Variants in COMMD1 observed in about 807,000 individuals in gnomAD.
COMMD1 encodes copper metabolism domain containing 1, also known as COMM domain-containing protein 1.
A neutral mutation model predicts 17.2 loss-of-function variants in COMMD1; 10 were observed. The observed-to-expected ratio is 0.58, with a 90% confidence interval of 0.36 to 0.99. The LOEUF (loss-of-function observed/expected upper bound fraction) is 0.99. Among genes scored for constraint, COMMD1 ranks in the 50% least tolerant of loss-of-function variants. The probability of loss-of-function intolerance (pLI) is 0.01; values close to 1 mark genes in which losing one functional copy is unlikely to be tolerated. For missense variants in COMMD1, 270 were observed against 231.8 expected (o/e 1.17, Z -1.07); for synonymous variants, 97 against 91.6 (o/e 1.06, Z -0.34).
At chr2:61,976,417 T>G (rs915750175) in intron 1 of COMMD1, among the ~76,000 whole-genome samples, 1 of 152,088 alleles carries the variant, frequency 6.6e-6, no homozygotes, top group Non-Finnish European at 1.5e-5. Flanking sequence ...TTATTAGGGA[T>G]CAAAGAAGAG....
chr2:62,130,712 TAA>T (rs994355765), intron 2 of COMMD1, among the ~76,000 whole-genome samples: 6 of 152,220 alleles, frequency 3.9e-5, no homozygotes, highest in African/African-American at 1.4e-4. Flanking sequence ...TAATATGTGA[TAA>T]GTCTTTTATT....
intron 1 of COMMD1, among the ~76,000 whole-genome samples, chr2:61,893,113 C>T (rs1474597211): frequency 1.3e-5 from 2 of 151,978 alleles, no homozygotes; most frequent in Non-Finnish European, 2.9e-5. Context: ...GTGATCTGCC[C>T]ACCTTGGCCT....
At chr2:61,984,246 G>A (rs753792418) in intron 1 of COMMD1, among the ~76,000 whole-genome samples, 6 of 152,150 alleles carry the variant, frequency 3.9e-5, no homozygotes, top group South Asian at 2.1e-4. Flanking sequence ...GGTTGGTCTC[G>A]AACTCCTGAC....
In COMMD1 at chr2:62,066,615, A is replaced by G. The variant is rs556064661; in HGVS notation, c.462+65633A>G. ...ACAGGGTTTCACCATGTTAGCCAGG[A>G]TGGTCTCCATCTCCTGACCTCGTGA... is the stretch of plus-strand genomic sequence containing the variant. On this transcript the variant is annotated intron_variant, in intron 2 of 2. Coordinates refer to ENST00000311832, the MANE Select transcript of COMMD1 (RefSeq NM_152516.4). Among the ~76,000 whole-genome samples, 11 of 150,202 alleles carry G rather than the reference A, an allele frequency of 7.3e-5. No individual in the cohort carries two copies. The South Asian group carries it at 2.1e-3, about 29-fold the overall frequency.
chr2:62,008,635 C>A (rs114819210), intron 2 of COMMD1, among the ~76,000 whole-genome samples: 432 of 152,206 alleles, frequency 2.8e-3, no homozygotes, highest in African/African-American at 9.6e-3. Flanking sequence ...TTTTTACTTT[C>A]AATAATCTAC....
At chr2:61,906,951 G>A (rs539471964) in intron 1 of COMMD1, among the ~76,000 whole-genome samples, 4 of 152,068 alleles carry the variant, frequency 2.6e-5, no homozygotes, top group Non-Finnish European at 4.4e-5. Flanking sequence ...TACAGGATTT[G>A]AATCCAGAAA....
At chr2:61,992,681 G>A (rs1672281534) in intron 1 of COMMD1, among the ~76,000 whole-genome samples, 1 of 152,114 alleles carries the variant, frequency 6.6e-6, no homozygotes, top group Non-Finnish European at 1.5e-5. Context: ...CACTTAATGC[G>A]AACAGCACTC....
chr2:62,057,876 A>G (rs1350832510), intron 2 of COMMD1, among the ~76,000 whole-genome samples: 2 of 151,900 alleles, frequency 1.3e-5, no homozygotes, highest in Admixed American at 6.6e-5. Flanking sequence ...TCAGTCCAAA[A>G]TATTTTCTAA....
chr2:61,965,441 C>T (rs1671480987), intron 1 of COMMD1, among the ~76,000 whole-genome samples: 1 of 152,206 alleles, frequency 6.6e-6, no homozygotes, highest in African/African-American at 2.4e-5. Flanking sequence ...AGAGCTAAAA[C>T]TACTTCAAAA....
intron 2 of COMMD1, among the ~76,000 whole-genome samples, chr2:62,072,470 G>A (rs1191814579): frequency 1.3e-5 from 2 of 152,166 alleles, no homozygotes; most frequent in Non-Finnish European, 2.9e-5. Flanking sequence ...GCTGAGAGCT[G>A]TTCTGTCACT....
At chr2:62,077,581 TTCTC>T (rs1410116010) in intron 2 of COMMD1, among the ~76,000 whole-genome samples, 1 of 152,168 alleles carries the variant, frequency 6.6e-6, no homozygotes, top group Non-Finnish European at 1.5e-5. Context: ...CTATTTATAT[TTCTC>T]TCTCTTCTAT....
chr2:62,084,386 A>C (rs1207722553), intron 2 of COMMD1, among the ~76,000 whole-genome samples: 2 of 152,198 alleles, frequency 1.3e-5, no homozygotes, highest in Admixed American at 1.3e-4. Flanking sequence ...GAGTTAAAGA[A>C]AATGTTATTA....
At chr2:62,003,703 A>T (rs781061058) in intron 2 of COMMD1, among the ~76,000 whole-genome samples, 1 of 152,094 alleles carries the variant, frequency 6.6e-6, no homozygotes, top group African/African-American at 2.4e-5. Flanking sequence ...AGCTATTTAT[A>T]TCGGCTATTT....
chr2:61,936,083 G>A (rs1670599798), intron 1 of COMMD1, among the ~76,000 whole-genome samples: 1 of 152,128 alleles, frequency 6.6e-6, no homozygotes, highest in South Asian at 2.1e-4. Context: ...CTCCCAAAGT[G>A]CTGAGACACC....
At chr2:61,974,818 T>A (rs914697306) in intron 1 of COMMD1, among the ~76,000 whole-genome samples, 2 of 152,158 alleles carry the variant, frequency 1.3e-5, no homozygotes, top group East Asian at 3.8e-4. Flanking sequence ...TATTAATATC[T>A]TGCATTGATG....
intron 2 of COMMD1, among the ~76,000 whole-genome samples, chr2:62,036,527 A>G (rs12475438): frequency 0.085 from 12,878 of 152,234 alleles, 1,340 homozygotes; most frequent in African/African-American, 0.24. Flanking sequence ...GGTATTAGGT[A>G]TAACAGCTAA....
intron 2 of COMMD1, among the ~76,000 whole-genome samples, chr2:62,001,344 C>G (rs1413802493): frequency 6.6e-6 from 1 of 152,186 alleles, no homozygotes; most frequent in Non-Finnish European, 1.5e-5. Context: ...TTAAACAACA[C>G]AATCTCATCC....
At chr2:61,968,471 A>G (rs983597308) in intron 1 of COMMD1, among the ~76,000 whole-genome samples, 6 of 152,308 alleles carry the variant, frequency 3.9e-5, no homozygotes, top group Admixed American at 3.9e-4. Flanking sequence ...ACATTTCACA[A>G]ATTTACTGAA....
At chr2:62,054,861 C>A (rs191056029) in intron 2 of COMMD1, among the ~76,000 whole-genome samples, 1 of 151,922 alleles carries the variant, frequency 6.6e-6, no homozygotes, top group African/African-American at 2.4e-5. Flanking sequence ...TAAATTGGTA[C>A]AAATAAAAAG....
Sources: gnomAD v4.1 joint callset for allele counts (sites outside exome capture counted in the v4.1 genomes callset) on GRCh38, gnomAD v4.1.1 for gene constraint, MANE v1.5 for transcripts, NCBI Gene and HGNC (gene_info 2026-07-23, HGNC 2026-07-21) for gene names.